The following FER1L5 variants were observed in gnomAD, a reference collection of about 807,000 sequenced individuals.
The protein encoded by FER1L5 is fer-1-like protein 5.
A neutral mutation model predicts 279.9 loss-of-function variants in FER1L5; 187 were observed. That is an observed-to-expected ratio of 0.67 (90% CI 0.59 to 0.75). The LOEUF (loss-of-function observed/expected upper bound fraction) is 0.75. FER1L5 is among the 30% of genes least tolerant of loss of function. The probability of loss-of-function intolerance (pLI) is 0.00; values close to 1 mark genes in which losing one functional copy is unlikely to be tolerated. For synonymous variants in FER1L5, 921 were observed against 989.7 expected (o/e 0.93, Z 1.30); for missense variants, 2,091 against 2,594.4 (o/e 0.81, Z 4.21).
intron 2 of FER1L5, 91 bp from the exon 3 acceptor site, chr2:96,646,973 C>A: frequency 7.6e-7 from 1 of 1,322,178 alleles, no homozygotes; most frequent in South Asian, 1.4e-5. Flanking sequence ...AAATGCAGTG[C>A]CAGCCCGTTC....
intron 1 of FER1L5, among the ~76,000 whole-genome samples, chr2:96,643,445 G>A (rs62154849): frequency 2.4e-4 from 36 of 152,134 alleles, no homozygotes; most frequent in Admixed American, 8.5e-4. Flanking sequence ...TGCCTCCCAG[G>A]TTCAAGCAAT....
Position 96,661,695 on chromosome 2 carries a change from G to T in FER1L5, c.922G>T (p.Asp308Tyr). The part of the protein sequence containing the change: ...LIDQKLLYGT[D>Y]DTDIQIFKSA... ...AGATCAAAAGCTGCTCTATGGCACC[G>T]ATGACACCGATATTCAGATCTTCAA... The change falls in exon 12 of 53, where the codon GAT (aspartate) becomes TAT (tyrosine). Residue 308 changes from aspartate to tyrosine, a missense_variant. Physicochemically the swap from Asp to Tyr is radical, Grantham distance 160. Transcript: ENST00000624922. 6.4e-7 allele frequency: 1 copy of T among 1,551,652 alleles called. No individual in the cohort carries two copies. The highest frequency in any genetic ancestry group is 1.4e-5 in the African/African-American group (1 of 73,138).
At position 96,675,912 on chromosome 2, in the gene FER1L5, T is replaced by G. The variant is rs575704340; in HGVS notation, c.1669+2658T>G. On this transcript the variant is annotated intron_variant, in intron 19 of 52. Coordinates refer to ENST00000624922, the MANE Select transcript of FER1L5 (RefSeq NM_001293083.2). ...TGCTGGTATTACAAGTGTGAGCCACTGCGCTCAGCCCGGTTGATTATCAAT... is the reference window on the plus strand; with the variant it reads ...TGCTGGTATTACAAGTGTGAGCCACGGCGCTCAGCCCGGTTGATTATCAAT... Among the ~76,000 whole-genome samples, 11 of 152,324 alleles carry G rather than the reference T, an allele frequency of 7.2e-5. 1 individual carries two copies. The highest frequency in any genetic ancestry group is 3.3e-4 in the Admixed American group (5 of 15,298).
At chr2:96,676,500 G>A (rs1385353461) in intron 19 of FER1L5, among the ~76,000 whole-genome samples, 4 of 151,926 alleles carry the variant, frequency 2.6e-5, no homozygotes, top group Non-Finnish European at 5.9e-5. Context: ...TTTGGCTATT[G>A]TACAAGTCTT....
At chr2:96,690,217 TGTATTGG>T (rs1327223906) in intron 26 of FER1L5, among the ~76,000 whole-genome samples, 2 of 152,194 alleles carry the variant, frequency 1.3e-5, no homozygotes, top group Admixed American at 1.3e-4. Context: ...TGGTGGCTAC[TGTATTGG>T]GTAGTGTGGG....
In FER1L5 at chr2:96,663,887, A is replaced by T. The variant is rs541249355; in HGVS notation, c.1140+380A>T. On this transcript the variant is annotated intron_variant, in intron 14 of 52. Transcript: ENST00000624922. ...GGCGAAACCAGACTCTACTAAAAAG[A>T]TAAAAATTAGTCGGGCGTGGTGACA... Among the ~76,000 whole-genome samples the T allele has an allele frequency of 2.0e-4, 30 of 152,186 alleles. No individual in the cohort carries two copies. The South Asian group carries it at 5.8e-3, about 30-fold the overall frequency.
intron 4 of FER1L5, among the ~76,000 whole-genome samples, chr2:96,648,712 G>A (rs975069542): frequency 6.6e-6 from 1 of 152,226 alleles, no homozygotes; most frequent in Non-Finnish European, 1.5e-5. Context: ...GCTGGTTACT[G>A]TAGATAACAG....
intron 9 of FER1L5, among the ~76,000 whole-genome samples, chr2:96,657,084 G>GT (rs934755732): frequency 6.7e-5 from 9 of 134,968 alleles, no homozygotes; most frequent in African/African-American, 1.6e-4. Context: ...TATATATATA[G>GT]TTTTTTTTGA....
At chr2:96,697,463 TCTCTG>T in intron 37 of FER1L5, 58 bp from the exon 38 acceptor site, 6 of 1,572,756 alleles carry the variant, frequency 3.8e-6, no homozygotes, top group Non-Finnish European at 5.2e-6. Context: ...CCCCCTCTCC[TCTCTG>T]AAGTCAGAGC....
At chr2:96,687,732 G>C in intron 23 of FER1L5, 84 bp from the exon 24 acceptor site, 1 of 1,492,852 alleles carries the variant, frequency 6.7e-7, no homozygotes, top group Non-Finnish European at 9.0e-7. Context: ...GGGGGAAGGG[G>C]CAGGTACAGC....
chr2:96,659,105 T>C (rs2075717209), intron 9 of FER1L5, among the ~76,000 whole-genome samples: 1 of 151,900 alleles, frequency 6.6e-6, no homozygotes, highest in South Asian at 2.1e-4. Flanking sequence ...CTAATATTTT[T>C]TGTATTTTCA....
In FER1L5 at chr2:96,700,052, T is replaced by C. The variant is rs775613647; in HGVS notation, c.4902T>C (p.Asn1634=). The C allele has an allele frequency of 3.1e-6, 5 of 1,613,828 alleles. No homozygotes were observed. The highest frequency in any genetic ancestry group is 1.7e-5 in the Admixed American group (1 of 60,008). The change falls in exon 44 of 53, where the codon AAT becomes AAC. Residue 1634 remains asparagine (N), a synonymous_variant. Coordinates refer to ENST00000624922, the MANE Select transcript of FER1L5 (RefSeq NM_001293083.2). ...CTGAGGAAGATGCTGTTTTCTATAA[T>C]GGGAAAAAGTTCAAGCTGCAAAGCT... The part of the protein sequence containing the change: ...FSPEEDAVFY[N]GKKFKLQSFE...
chr2:96,703,519 C>T lies in FER1L5; in HGVS notation c.5692-4C>T. On this transcript the variant is annotated splice_region_variant and splice_polypyrimidine_tract_variant and intron_variant, in intron 50 of 52. Transcript: ENST00000624922. ...AGCCTCCCCCTCACCCATGGTGTTCCTAGGGCAAGGTGAAGATGAGCCTGG... is the reference window on the plus strand; with the variant it reads ...AGCCTCCCCCTCACCCATGGTGTTCTTAGGGCAAGGTGAAGATGAGCCTGG... The T allele has an allele frequency of 1.2e-6, 2 of 1,613,888 alleles. No individual in the cohort carries two copies. Among genetic ancestry groups the T allele is most frequent in the Non-Finnish European group, 1.7e-6 (2 of 1,179,810 alleles).
intron 51 of FER1L5, 120 bp from the exon 52 acceptor site, chr2:96,704,095 C>A: frequency 1.6e-6 from 2 of 1,222,038 alleles, no homozygotes; most frequent in Non-Finnish European, 2.2e-6. Context: ...GGATTACAGG[C>A]GTGAGACACT....
intron 6 of FER1L5, 116 bp from the exon 7 acceptor site, chr2:96,651,776 G>C (rs2075391606): frequency 7.0e-7 from 1 of 1,436,952 alleles, no homozygotes; most frequent in Non-Finnish European, 9.4e-7. Context: ...CAAAGTGCTG[G>C]GATTACAGGC....
At chr2:96,667,134 T>C (rs1231864594) in intron 14 of FER1L5, among the ~76,000 whole-genome samples, 1 of 151,982 alleles carries the variant, frequency 6.6e-6, no homozygotes, top group Non-Finnish European at 1.5e-5. Flanking sequence ...CCTCAAGGGG[T>C]TACAGCAGAG....
rs1335101315 is a variant in FER1L5 at position 96,694,497 on chromosome 2, G to A, written c.3741+33G>A. 6 of 1,503,394 alleles carry A rather than the reference G, an allele frequency of 4.0e-6. No individual in the cohort carries two copies. The highest frequency in any genetic ancestry group is 3.6e-6 in the Non-Finnish European group (4 of 1,116,054). The allele number at this position is 1,503,394 out of a possible 1,614,324, so 93.1% of individuals were successfully genotyped here. A position where few individuals can be genotyped will look rare whatever the true frequency, so the allele number is the denominator to read the frequency against. On this transcript the variant is annotated intron_variant, in intron 34 of 52. Transcript: ENST00000624922. The surrounding 1 kb of genome is among the most constrained non-coding windows in gnomAD (Gnocchi z 4.6). ...CGATGTGGGATGGGGACGGTGGGCA[G>A]GACAGGCGGGGGTGGTCTGGAGTGC... is the stretch of plus-strand genomic sequence containing the variant.
chr2:96,693,803 A>G, intron 32 of FER1L5, 108 bp from the exon 33 acceptor site: 2 of 1,472,034 alleles, frequency 1.4e-6, no homozygotes, highest in Admixed American at 2.4e-5. Flanking sequence ...ACGTGCAGAC[A>G]GCACCATGGA....
At chr2:96,659,350 C>CTTCTTTCTTTCTTTCTTTCT (rs2075771910) in intron 9 of FER1L5, among the ~76,000 whole-genome samples, 2 of 74,960 alleles carry the variant, frequency 2.7e-5, no homozygotes, top group Non-Finnish European at 2.5e-5. Context: ...TCCTTCCTTC[C>CTTCTTTCTTTCTTTCTTTCT]TTCCTTCCTT....
Sources: gnomAD v4.1 joint callset for allele counts (sites outside exome capture counted in the v4.1 genomes callset) on GRCh38, gnomAD v4.1.1 for gene constraint, Gnocchi (gnomAD v3.1) non-coding constraint, MANE v1.5 for transcripts, NCBI Gene and HGNC (gene_info 2026-07-23, HGNC 2026-07-21) for gene names.